The following CORO7 variants were observed in gnomAD, a reference collection of about 807,000 sequenced individuals.
CORO7 encodes coronin 7, also known as coronin-7.
CORO7 carries 107 observed loss-of-function variants against 126.6 expected under a neutral mutation model. The observed-to-expected ratio is 0.85, with a 90% CI of 0.72 to 0.99. The LOEUF (loss-of-function observed/expected upper bound fraction) is 0.99, where lower values mean the gene tolerates loss of function less well. Ranked by LOEUF, CORO7 falls within the 50% of genes least tolerant of loss-of-function variation. The pLI is 0.00. For synonymous variants in CORO7, 603 were observed against 536.8 expected, an observed-to-expected ratio of 1.12 and a Z score of -1.70; for missense variants, 1,314 against 1,255.8, an observed-to-expected ratio of 1.05 and a Z score of -0.70.
chr16:4,400,525 C>A (rs1163431993), intron 6 of CORO7, among the ~76,000 whole-genome samples: 1 of 152,074 alleles, frequency 6.6e-6, no homozygotes, highest in Non-Finnish European at 1.5e-5. Context: ...CCCAGCTACT[C>A]GGGACGGGGA....
intron 3 of CORO7, among the ~76,000 whole-genome samples, chr16:4,412,059 A>G (rs2056230478): frequency 6.6e-6 from 1 of 151,962 alleles, no homozygotes; most frequent in Non-Finnish European, 1.5e-5. Flanking sequence ...TCCAACGTGG[A>G]GTCCTCGGCA....
chr16:4,379,480 A>G (rs1230860892), intron 9 of CORO7, among the ~76,000 whole-genome samples: 1 of 151,868 alleles, frequency 6.6e-6, no homozygotes, highest in Non-Finnish European at 1.5e-5. Context: ...GAGGGCACGC[A>G]CCCTTCACAG....
chr16:4,392,729 C>T (rs575672616), intron 7 of CORO7, among the ~76,000 whole-genome samples: 510 of 152,356 alleles, frequency 3.3e-3, no homozygotes, highest in Non-Finnish European at 5.8e-3. Context: ...TCACACCGGC[C>T]CTGGCTGCCA....
intron 21 of CORO7, among the ~76,000 whole-genome samples, chr16:4,359,977 ACC>A (rs2054109746): frequency 1.5e-5 from 1 of 68,262 alleles, no homozygotes; most frequent in Non-Finnish European, 2.8e-5. Flanking sequence ...TACCCCCCTC[ACC>A]CTCCCCTGCA....
intron 5 of CORO7, 123 bp from the exon 6 acceptor site, chr16:4,405,690 CA>C: frequency 5.3e-6 from 6 of 1,130,540 alleles, no homozygotes; most frequent in Non-Finnish European, 7.4e-6. Flanking sequence ...CCTTTTCAGC[CA>C]AGGGGGCAAG....
At chr16:4,380,766 T>G in intron 9 of CORO7, 5 of 1,273,068 alleles carry the variant, frequency 3.9e-6, no homozygotes, top group Non-Finnish European at 5.2e-6. Flanking sequence ...TTCTCTTGCA[T>G]TTGGGGGCAG....
chr16:4,368,990 G>T (rs1241969778), intron 9 of CORO7, among the ~76,000 whole-genome samples: 1 of 152,200 alleles, frequency 6.6e-6, no homozygotes, highest in African/African-American at 2.4e-5. Flanking sequence ...CAGGCCTGGG[G>T]CCACCTCATG....
intron 9 of CORO7, among the ~76,000 whole-genome samples, chr16:4,387,178 C>G (rs886303940): frequency 4.7e-5 from 7 of 150,264 alleles, no homozygotes; most frequent in Admixed American, 4.6e-4. Context: ...TCTCTGAACA[C>G]CCCCCCCAGC....
At chr16:4,399,397 T>C (rs1427855866) in intron 6 of CORO7, among the ~76,000 whole-genome samples, 1 of 152,194 alleles carries the variant, frequency 6.6e-6, no homozygotes, top group African/African-American at 2.4e-5. Context: ...GCAAATAGTA[T>C]ATGATTCCAC....
rs538968100 is a variant in CORO7, at chr16:4,365,410, AG to A, written c.840+80del. On this transcript the variant is annotated intron_variant, in intron 10 of 27. Coordinates refer to ENST00000251166, the MANE Select transcript of CORO7 (RefSeq NM_024535.5). ...GGGGAAGACACAGAGGCCCTGTTCG[AG>A]TTCCTCCTCTCTCTTGGGGAAGGCC... 1.7e-4 allele frequency: 258 copies of A among 1,537,720 alleles called. 1 individual carries two copies. In the African/African-American group the frequency reaches 3.2e-3, roughly 19 times the overall value.
Position 4,361,016 on chromosome 16 carries a change from T to C in CORO7, c.1844A>G (p.Tyr615Cys), listed in dbSNP as rs763592189. Residue 615 changes from tyrosine (Y) to cysteine (C), a missense_variant, in exon 19 of 28, where the codon TAT becomes TGT. Transcript: ENST00000251166. ...LAANVLASSSYDLTVRIWDLQ... is the reference protein window; with the variant it reads ...LAANVLASSSCDLTVRIWDLQ... The stretch of plus-strand genomic sequence containing the variant: ...GTCCCAGATGCGAACAGTGAGGTCA[T>C]AGGAGGACGAGGCCAGCACATTGGC... 5.0e-6 allele frequency: 8 copies of C among 1,613,242 alleles called. No individual in the cohort carries two copies. In the South Asian group the frequency reaches 6.6e-5, roughly 13 times the overall value.
chr16:4,384,626 G>T (rs1026943995), intron 9 of CORO7, among the ~76,000 whole-genome samples: 2 of 152,218 alleles, frequency 1.3e-5, no homozygotes, highest in African/African-American at 4.8e-5. Flanking sequence ...TGTCAGTGCC[G>T]AGTCAGGCCC....
chr16:4,358,775 C>T (rs1031239680), intron 23 of CORO7: 11 of 365,946 alleles, frequency 3.0e-5, no homozygotes, highest in Admixed American at 1.7e-4. Context: ...CATCATCCTG[C>T]ATTTCCTCCA....
At chr16:4,389,283 G>A (rs1241634453) in intron 7 of CORO7, among the ~76,000 whole-genome samples, 1 of 152,184 alleles carries the variant, frequency 6.6e-6, no homozygotes, top group Non-Finnish European at 1.5e-5. Context: ...GCCCCTGGGA[G>A]GAGAGGGAAG....
At chr16:4,396,845 G>A (rs1478869002) in intron 6 of CORO7, among the ~76,000 whole-genome samples, 1 of 151,696 alleles carries the variant, frequency 6.6e-6, no homozygotes, top group Non-Finnish European at 1.5e-5. Flanking sequence ...GTGAAACCCC[G>A]TTTCTACTGA....
chr16:4,394,580 C>G (rs2055517722), intron 7 of CORO7, among the ~76,000 whole-genome samples: 1 of 152,238 alleles, frequency 6.6e-6, no homozygotes, highest in South Asian at 2.1e-4. Flanking sequence ...TGTCTGCCCC[C>G]TTGGCATTAC....
intron 7 of CORO7, 110 bp downstream of exon 7, chr16:4,395,179 A>G: frequency 6.6e-7 from 1 of 1,509,168 alleles, no homozygotes; most frequent in Non-Finnish European, 9.1e-7. Context: ...GGTGCTGCAG[A>G]ACATGTCTGC....
At chr16:4,390,989 C>A (rs2055367124) in intron 7 of CORO7, among the ~76,000 whole-genome samples, 1 of 152,226 alleles carries the variant, frequency 6.6e-6, no homozygotes. Flanking sequence ...AGAGCTTTGT[C>A]CGTGCCCAGC....
chr16:4,412,271 G>A (rs763968487), intron 3 of CORO7, 85 bp downstream of exon 3: 6 of 1,481,800 alleles, frequency 4.0e-6, no homozygotes, highest in South Asian at 2.4e-5. Context: ...CCATGCGGCA[G>A]TGGGACCAGG....
Sources: allele counts gnomAD v4.1 joint callset (sites outside exome capture counted in the v4.1 genomes callset), GRCh38; gene constraint gnomAD v4.1.1; transcripts MANE v1.5; gene names NCBI Gene and HGNC (gene_info 2026-07-23, HGNC 2026-07-21).